The following CCDC85C variants were observed in gnomAD, a reference collection of about 807,000 sequenced individuals.
CCDC85C encodes the protein coiled-coil domain-containing protein 85C.
In CCDC85C, 18 loss-of-function variants were observed where a neutral mutation model predicts 38.3. The ratio of observed to expected loss-of-function variants is 0.47; its 90% CI spans 0.33 to 0.70. CCDC85C has a LOEUF of 0.70. CCDC85C is among the 30% of genes least tolerant of loss of function. The pLI, the probability that CCDC85C is intolerant of heterozygous loss-of-function variation, is 0.03. For synonymous variants in CCDC85C, 264 were observed against 293.8 expected, an observed-to-expected ratio of 0.90 and a Z score of 1.04; for missense variants, 566 against 621.2, an observed-to-expected ratio of 0.91 and a Z score of 0.94.
intron 1 of CCDC85C, among the ~76,000 whole-genome samples, chr14:99,573,684 G>A (rs548187040): frequency 7.7e-4 from 118 of 152,294 alleles, no homozygotes; most frequent in East Asian, 1.4e-3. Flanking sequence ...TCTAAATAAC[G>A]CCAACCTCCT....
intron 1 of CCDC85C, among the ~76,000 whole-genome samples, chr14:99,541,314 G>A (rs1446721570): frequency 6.6e-6 from 1 of 152,204 alleles, no homozygotes; most frequent in African/African-American, 2.4e-5. Context: ...ACCCCAAGCT[G>A]GGGAACCCCA....
intron 1 of CCDC85C, among the ~76,000 whole-genome samples, chr14:99,539,428 C>T (rs1427831969): frequency 7.6e-6 from 1 of 132,334 alleles, no homozygotes; most frequent in Admixed American, 8.6e-5. Flanking sequence ...CGAGATCACA[C>T]AACTGCACTC....
rs1172393068 is a variant in CCDC85C at position 99,502,891 on chromosome 14, C to A, written c.*12355G>T. On this transcript the variant is annotated 3_prime_UTR_variant, in exon 6 of 6. Coordinates refer to ENST00000380243, the MANE Select transcript of CCDC85C (RefSeq NM_001144995.2). ...AACCATCCCAGCCCCAGCAGAAGGA[C>A]CCCCAGCAACCAGCCCAGCAGCAGC... 3 of 1,613,342 alleles carry A rather than the reference C, an allele frequency of 1.9e-6. No individual in the cohort carries two copies. In the African/African-American group the frequency reaches 4.0e-5, roughly 22 times the overall value.
At position 99,538,532 on chromosome 14, in the gene CCDC85C, C is replaced by A. The variant is rs144444343; in HGVS notation, c.794-2444G>T. 8.6e-4 allele frequency among the ~76,000 whole-genome samples: 131 copies of A among 152,352 alleles called. No individual in the cohort carries two copies. In the East Asian group the frequency reaches 0.023, roughly 27 times the overall value. ...ACCAACAGCCCAAGATGGGCACTAACTTGTTCTCTGCCCTTCGCTGCCACA... is the reference window on the plus strand; with the variant it reads ...ACCAACAGCCCAAGATGGGCACTAAATTGTTCTCTGCCCTTCGCTGCCACA... On this transcript the variant is annotated intron_variant, in intron 1 of 5. Coordinates refer to ENST00000380243, the MANE Select transcript of CCDC85C (RefSeq NM_001144995.2).
At chr14:99,567,404 T>C (rs1482231825) in intron 1 of CCDC85C, among the ~76,000 whole-genome samples, 1 of 152,056 alleles carries the variant, frequency 6.6e-6, no homozygotes, top group Non-Finnish European at 1.5e-5. Context: ...AGGGGAGGCA[T>C]GGTGGTGCCG....
chr14:99,506,996 T>G lies in CCDC85C; in HGVS notation c.*8250A>C. On this transcript the variant is annotated 3_prime_UTR_variant, in exon 6 of 6. Coordinates refer to ENST00000380243, the MANE Select transcript of CCDC85C (RefSeq NM_001144995.2). ...GTTGTTTTTCTCCCAAAGAAATCTCTGCCAGTACATTTTTCTTTATGACAT... is the reference window on the plus strand; with the variant it reads ...GTTGTTTTTCTCCCAAAGAAATCTCGGCCAGTACATTTTTCTTTATGACAT... 1.1e-6 allele frequency: 1 copy of G among 877,072 alleles called. No individual in the cohort carries two copies. The highest frequency in any genetic ancestry group is 2.0e-6 in the Non-Finnish European group (1 of 507,804). 54.3% of individuals were successfully genotyped at this position (877,072 alleles called of 1,614,324 possible). A position where few individuals can be genotyped will look rare whatever the true frequency, so the allele number is the denominator to read the frequency against.
intron 1 of CCDC85C, among the ~76,000 whole-genome samples, chr14:99,575,587 C>T (rs1898457231): frequency 6.6e-6 from 1 of 152,248 alleles, no homozygotes; most frequent in Admixed American, 6.5e-5. Flanking sequence ...AAATGGACAA[C>T]AGGGTGGCAG....
chr14:99,542,935 T>A (rs77594469), intron 1 of CCDC85C, among the ~76,000 whole-genome samples: 3 of 152,256 alleles, frequency 2.0e-5, no homozygotes, highest in Admixed American at 2.0e-4. Context: ...GACGGCCCCA[T>A]CTTCTCGAGG....
chr14:99,545,902 C>G lies in CCDC85C; in HGVS notation c.794-9814G>C, dbSNP rs779163639. On this transcript the variant is annotated intron_variant, in intron 1 of 5. Coordinates refer to ENST00000380243, the MANE Select transcript of CCDC85C (RefSeq NM_001144995.2). This position sits in a 1 kb window ranked among gnomAD's most constrained non-coding sequence, Gnocchi z 4.7. Reference sequence around the variant, plus strand: ...TGATTCTAACATGCAGCTCTGTGGTCACTGTTCCAATCATCCAACTCCCAG... The same window carrying G: ...TGATTCTAACATGCAGCTCTGTGGTGACTGTTCCAATCATCCAACTCCCAG... Among the ~76,000 whole-genome samples, 1 of 152,112 alleles carries G rather than the reference C, an allele frequency of 6.6e-6. No individual in the cohort carries two copies. The highest frequency in any genetic ancestry group is 1.5e-5 in the Non-Finnish European group (1 of 68,022).
Position 99,502,579 on chromosome 14 carries a change from C to T in CCDC85C, c.*12667G>A. 1 of 1,197,778 alleles carries T rather than the reference C, an allele frequency of 8.3e-7. No individual in the cohort carries two copies. The highest frequency in any genetic ancestry group is 1.2e-6 in the Non-Finnish European group (1 of 855,330). The allele number at this position is 1,197,778 out of a possible 1,614,324, so 74.2% of individuals were successfully genotyped here. A position where few individuals can be genotyped will look rare whatever the true frequency, so the allele number is the denominator to read the frequency against. ...AAACTAAAAATACACACCAGTGTTG[C>T]ACACAACGAAGATGGGGTGAGTTGT... On this transcript the variant is annotated 3_prime_UTR_variant, in exon 6 of 6. Coordinates refer to ENST00000380243, the MANE Select transcript of CCDC85C (RefSeq NM_001144995.2).
Position 99,503,273 on chromosome 14 carries a change from G to A in CCDC85C, c.*11973C>T. ...TCGGTGTCGTTGCCGTGTCCTAGCA[G>A]TGTCGTTGTGCATGCTGCTTCTGTG... On this transcript the variant is annotated 3_prime_UTR_variant, in exon 6 of 6. Coordinates refer to ENST00000380243, the MANE Select transcript of CCDC85C (RefSeq NM_001144995.2). The A allele has an allele frequency of 1.6e-6, 1 of 627,564 alleles. No homozygotes were observed. Among genetic ancestry groups the A allele is most frequent in the Non-Finnish European group, 2.9e-6 (1 of 348,352 alleles). 38.9% of individuals were successfully genotyped at this position (627,564 alleles called of 1,614,324 possible). A position where few individuals can be genotyped will look rare whatever the true frequency, so the allele number is the denominator to read the frequency against.
At chr14:99,577,238 A>T (rs1015687712) in intron 1 of CCDC85C, among the ~76,000 whole-genome samples, 98 of 151,492 alleles carry the variant, frequency 6.5e-4, no homozygotes, top group African/African-American at 2.3e-3. Flanking sequence ...TATCACTACC[A>T]TTTCAGAACC....
chr14:99,553,606 G>C (rs868703566), intron 1 of CCDC85C, among the ~76,000 whole-genome samples: 1 of 152,090 alleles, frequency 6.6e-6, no homozygotes, highest in Non-Finnish European at 1.5e-5. Flanking sequence ...CTCATGATCC[G>C]CCTGCCTCGG....
At chr14:99,546,830 C>T (rs964810501) in intron 1 of CCDC85C, among the ~76,000 whole-genome samples, 5 of 152,172 alleles carry the variant, frequency 3.3e-5, no homozygotes, top group African/African-American at 1.2e-4. Context: ...AGCCTCACAC[C>T]ATATACAGAA....
chr14:99,593,169 G>C (rs533068875), intron 1 of CCDC85C, among the ~76,000 whole-genome samples: 10 of 152,336 alleles, frequency 6.6e-5, no homozygotes, highest in African/African-American at 1.7e-4. Flanking sequence ...CCACACAATC[G>C]GGCCCTTGTG....
chr14:99,541,147 C>T (rs540481318), intron 1 of CCDC85C, among the ~76,000 whole-genome samples: 73 of 152,338 alleles, frequency 4.8e-4, no homozygotes, highest in African/African-American at 1.6e-3. Context: ...CACAGTCAGC[C>T]TCCAGAAAAA....
Position 99,516,354 on chromosome 14 carries a change from C to T in CCDC85C, c.1072-68G>A, listed in dbSNP as rs1897225264. The T allele has an allele frequency of 1.7e-6, 2 of 1,170,992 alleles. No homozygotes were observed. Among genetic ancestry groups the T allele is most frequent in the African/African-American group, 1.5e-5 (1 of 65,830 alleles). 72.5% of individuals were successfully genotyped at this position (1,170,992 alleles called of 1,614,324 possible). On this transcript the variant is annotated intron_variant, in intron 4 of 5. Coordinates refer to ENST00000380243, the MANE Select transcript of CCDC85C (RefSeq NM_001144995.2). The surrounding 1 kb of genome is among the most constrained non-coding windows in gnomAD (Gnocchi z 5.5). ...CAGACCTCGGGCAAGTCACCTGGCC[C>T]CTGATCCTCAGCCTCCCCTGCTGCG...
rs1026844456 is a variant in CCDC85C, at chr14:99,500,302, A to G, written c.*14944T>C. ...TACATGAGTATATATACACACACAT[A>G]CACACACACTGGTACAATTTATCTC... On this transcript the variant is annotated 3_prime_UTR_variant, in exon 6 of 6. Coordinates refer to ENST00000380243, the MANE Select transcript of CCDC85C (RefSeq NM_001144995.2). 4.9e-5 allele frequency: 9 copies of G among 182,930 alleles called. No homozygotes were observed. Among genetic ancestry groups the G allele is most frequent in the Non-Finnish European group, 8.0e-5 (7 of 87,536 alleles). 11.3% of individuals were successfully genotyped at this position (182,930 alleles called of 1,614,324 possible).
intron 1 of CCDC85C, among the ~76,000 whole-genome samples, chr14:99,583,623 G>A (rs866563975): frequency 2.0e-5 from 3 of 151,560 alleles, no homozygotes; most frequent in Admixed American, 1.3e-4. Flanking sequence ...TGGCCAATAC[G>A]GTAAAACCAC....
Sources: allele counts gnomAD v4.1 joint callset (sites outside exome capture counted in the v4.1 genomes callset), GRCh38; gene constraint gnomAD v4.1.1; non-coding constraint Gnocchi (gnomAD v3.1); transcripts MANE v1.5; gene names NCBI Gene and HGNC (gene_info 2026-07-23, HGNC 2026-07-21).